SLIT3: variants seen among roughly 807,000 people sequenced by gnomAD.
SLIT3 encodes slit guidance ligand 3, also known as slit homolog 3 protein.
In SLIT3, 68 loss-of-function variants were observed where a neutral mutation model predicts 184.0. The ratio of observed to expected loss-of-function variants is 0.37; its 90% CI spans 0.30 to 0.45. The LOEUF (loss-of-function observed/expected upper bound fraction) is 0.45, where lower values mean the gene tolerates loss of function less well. SLIT3 is among the 20% of genes least tolerant of loss of function. The pLI, the probability that SLIT3 is intolerant of heterozygous loss-of-function variation, is 1.00. For synonymous variants in SLIT3, 831 were observed against 828.6 expected, an observed-to-expected ratio of 1.00 and a Z score of -0.05; for missense variants, 1,707 against 2,026.0, an observed-to-expected ratio of 0.84 and a Z score of 3.02.
intron 6 of SLIT3, among the ~76,000 whole-genome samples, chr5:168,834,060 G>T (rs1418665835): frequency 6.6e-6 from 1 of 152,230 alleles, no homozygotes; most frequent in African/African-American, 2.4e-5. Flanking sequence ...TGTGCAGCAT[G>T]TGAAAACAGT....
Position 168,842,469 on chromosome 5 carries a change from G to GTTTTTT in SLIT3, c.557+2109_557+2114dup, listed in dbSNP as rs778998998. Among the ~76,000 whole-genome samples, 288 of 88,022 alleles carry GTTTTTT rather than the reference G, an allele frequency of 3.3e-3. 8 individuals carry two copies. The highest frequency in any genetic ancestry group is 4.0e-3 in the Non-Finnish European group (184 of 46,130). 57.7% of individuals were successfully genotyped at this position (88,022 alleles called of 152,430 possible). A position where few individuals can be genotyped will look rare whatever the true frequency, so the allele number is the denominator to read the frequency against. On this transcript the variant is annotated intron_variant, in intron 6 of 35. Transcript: ENST00000519560. ...TGGTGCATCTGGATACCGTTTTTTC[G>GTTTTTT]TTTTTTTTTTTTTTTTTTGTATCTG...
In SLIT3 at chr5:169,201,018, G is replaced by A. The variant is rs115141948; in HGVS notation, c.342-7468C>T. ...TTTGCCTTTGAGGCTTCCCTTTTTT[G>A]GAGGGACAAGCAGCTTCATTGAGAT... On this transcript the variant is annotated intron_variant, in intron 3 of 35. Coordinates refer to ENST00000519560, the MANE Select transcript of SLIT3 (RefSeq NM_003062.4). Among the ~76,000 whole-genome samples the A allele has an allele frequency of 6.6e-3, 999 of 152,182 alleles. 12 individuals carry two copies. The highest frequency in any genetic ancestry group is 0.022 in the African/African-American group (923 of 41,500).
At chr5:168,745,828 T>C (rs1763781634) in intron 20 of SLIT3, among the ~76,000 whole-genome samples, 1 of 152,180 alleles carries the variant, frequency 6.6e-6, no homozygotes, top group Admixed American at 6.5e-5. Context: ...CTCACTACTG[T>C]CTTATTTTAA....
At chr5:168,970,512 A>AC (rs1341736577) in intron 4 of SLIT3, among the ~76,000 whole-genome samples, 3 of 151,746 alleles carry the variant, frequency 2.0e-5, no homozygotes, top group African/African-American at 2.4e-5. Flanking sequence ...AAAAAAAAAA[A>AC]AAACAAAGAC....
chr5:168,867,295 T>C (rs1208417041), intron 5 of SLIT3, among the ~76,000 whole-genome samples: 3 of 152,208 alleles, frequency 2.0e-5, no homozygotes, highest in Non-Finnish European at 1.5e-5. Context: ...AAGGGAACTG[T>C]AGGACTTATG....
At chr5:168,918,612 G>C (rs1761526042) in intron 4 of SLIT3, among the ~76,000 whole-genome samples, 1 of 152,152 alleles carries the variant, frequency 6.6e-6, no homozygotes, top group Admixed American at 6.5e-5. Flanking sequence ...GCTCTTAGTG[G>C]TTTGGATCCA....
At chr5:168,690,561 C>T (rs976012958) in intron 29 of SLIT3, among the ~76,000 whole-genome samples, 3 of 152,226 alleles carry the variant, frequency 2.0e-5, no homozygotes, top group African/African-American at 7.2e-5. Context: ...CTTGCCCCTT[C>T]ATTCTTCCCT....
chr5:169,050,771 G>A (rs938153940), intron 4 of SLIT3, among the ~76,000 whole-genome samples: 1 of 151,328 alleles, frequency 6.6e-6, no homozygotes, highest in Non-Finnish European at 1.5e-5. Flanking sequence ...TTTCTGAAGA[G>A]GAAGAATACA....
intron 4 of SLIT3, among the ~76,000 whole-genome samples, chr5:168,899,284 G>A (rs1760785030): frequency 6.6e-6 from 1 of 152,194 alleles, no homozygotes; most frequent in Non-Finnish European, 1.5e-5. Flanking sequence ...GGGGGGCTAA[G>A]GCAGGAGGAT....
chr5:168,826,168 T>C (rs1757698725), intron 6 of SLIT3, among the ~76,000 whole-genome samples: 1 of 152,236 alleles, frequency 6.6e-6, no homozygotes, highest in Non-Finnish European at 1.5e-5. Flanking sequence ...TATTAATGTA[T>C]TACTACACTG....
intron 4 of SLIT3, among the ~76,000 whole-genome samples, chr5:169,173,167 A>G (rs566675440): frequency 1.0e-3 from 158 of 152,318 alleles, no homozygotes; most frequent in African/African-American, 3.7e-3. Flanking sequence ...AGGTTGAGGC[A>G]GGATAATCGC....
intron 1 of SLIT3, among the ~76,000 whole-genome samples, chr5:169,279,142 G>C (rs966645067): frequency 2.0e-5 from 3 of 152,164 alleles, no homozygotes; most frequent in African/African-American, 7.2e-5. Flanking sequence ...AAATATCAAA[G>C]TCCCGTGAAA....
chr5:168,978,241 G>A (rs1754833015), intron 4 of SLIT3, among the ~76,000 whole-genome samples: 2 of 152,236 alleles, frequency 1.3e-5, no homozygotes, highest in Admixed American at 1.3e-4. Context: ...TCCATGTGCA[G>A]ACAATTGGAG....
intron 4 of SLIT3, among the ~76,000 whole-genome samples, chr5:168,965,596 C>T (rs150475607): frequency 2.3e-4 from 35 of 152,290 alleles, no homozygotes; most frequent in African/African-American, 7.5e-4. Context: ...GTATCTTTTG[C>T]TCATCCAAAA....
intron 27 of SLIT3, 96 bp downstream of exon 27, chr5:168,700,486 T>G: frequency 2.3e-6 from 2 of 886,236 alleles, no homozygotes; most frequent in East Asian, 2.5e-5. Flanking sequence ...TCCTTTAAAC[T>G]TCTTTCCTTT....
chr5:169,028,494 A>G (rs1419156838), intron 4 of SLIT3, among the ~76,000 whole-genome samples: 1 of 152,242 alleles, frequency 6.6e-6, no homozygotes, highest in Non-Finnish European at 1.5e-5. Flanking sequence ...GGATTCTTGC[A>G]AGGATTAAAT....
At chr5:168,672,385 T>G (rs1479822024) in intron 33 of SLIT3, among the ~76,000 whole-genome samples, 1 of 152,184 alleles carries the variant, frequency 6.6e-6, no homozygotes, top group African/African-American at 2.4e-5. Flanking sequence ...GCAGTTTTGG[T>G]AGCTTTTTTT....
intron 4 of SLIT3, among the ~76,000 whole-genome samples, chr5:169,019,581 G>A (rs900916891): frequency 5.9e-5 from 9 of 152,110 alleles, no homozygotes; most frequent in Non-Finnish European, 1.0e-4. Flanking sequence ...ATCCACAAAT[G>A]TCAGAAAAAC....
chr5:169,244,876 A>G, intron 2 of SLIT3, 100 bp from the exon 3 acceptor site: 1 of 999,778 alleles, frequency 1.0e-6, no homozygotes, highest in Non-Finnish European at 1.6e-6. Flanking sequence ...AGCCCTTCCC[A>G]TGATCGTCAG....
Sources: gnomAD v4.1 joint callset for allele counts (sites outside exome capture counted in the v4.1 genomes callset) on GRCh38, gnomAD v4.1.1 for gene constraint, MANE v1.5 for transcripts, NCBI Gene and HGNC (gene_info 2026-07-23, HGNC 2026-07-21) for gene names.